The following SCML4 variants were observed in gnomAD, a reference collection of about 807,000 sequenced individuals.
The protein encoded by SCML4 is Scm polycomb group protein like 4, also known as sex comb on midleg-like protein 4.
Under a neutral mutation model 41.1 loss-of-function variants are expected in SCML4, and 34 were observed. The ratio of observed to expected loss-of-function variants is 0.83; its 90% CI spans 0.63 to 1.10. SCML4 has a LOEUF of 1.10. Among genes scored for constraint, SCML4 ranks in the 50% least tolerant of loss-of-function variants. SCML4 has a pLI of 0.00. For missense variants in SCML4, 522 were observed against 534.1 expected (o/e 0.98, Z 0.22); for synonymous variants, 214 against 220.9 (o/e 0.97, Z 0.28).
intron 2 of SCML4, among the ~76,000 whole-genome samples, chr6:107,752,768 G>A (rs189153914): frequency 4.2e-4 from 64 of 152,248 alleles, no homozygotes; most frequent in African/African-American, 1.4e-3. Context: ...CTTTGCCCTC[G>A]TGGAACTGAC....
In SCML4 at chr6:107,812,880, T is replaced by C. The variant is rs61056141; in HGVS notation, c.-60+11246A>G. Among the ~76,000 whole-genome samples the C allele has an allele frequency of 3.9e-3, 550 of 141,450 alleles. 4 individuals carry two copies. The highest frequency in any genetic ancestry group is 9.5e-3 in the African/African-American group (357 of 37,714). 92.8% of individuals were successfully genotyped at this position (141,450 alleles called of 152,430 possible). ...GTAGAGCTCTTTACACACAGACACA[T>C]ACACACACACACACACACACACACA... On this transcript the variant is annotated intron_variant, in intron 1 of 7. Transcript: ENST00000369020.
chr6:107,833,067 T>A, the SCML4 span, among the ~76,000 whole-genome samples: 150,005 of 152,244 alleles, frequency 0.99, 73,943 homozygotes, highest in Middle Eastern at 1. Flanking sequence ...CTTAACTGGG[T>A]TGCGAATATT....
chr6:107,799,965 CTT>C (rs1318508281), intron 1 of SCML4, among the ~76,000 whole-genome samples: 1 of 141,374 alleles, frequency 7.1e-6, no homozygotes. Context: ...GGATATGTTC[CTT>C]TTTTTTTTTT....
intron 5 of SCML4, among the ~76,000 whole-genome samples, chr6:107,729,138 A>T (rs565719083): frequency 6.6e-6 from 1 of 152,152 alleles, no homozygotes; most frequent in Non-Finnish European, 1.5e-5. Flanking sequence ...GGGTATATTC[A>T]TTTCCTAGGA....
At chr6:107,757,307 G>C (rs961139542) in intron 2 of SCML4, among the ~76,000 whole-genome samples, 12 of 152,186 alleles carry the variant, frequency 7.9e-5, no homozygotes, top group Admixed American at 7.9e-4. Context: ...CACACTAAAG[G>C]GGAGAGGATC....
chr6:107,807,862 A>G (rs539295999), intron 1 of SCML4, among the ~76,000 whole-genome samples: 1 of 152,348 alleles, frequency 6.6e-6, no homozygotes, highest in Admixed American at 6.5e-5. Flanking sequence ...TATTCACGCT[A>G]CTGTAAAATG....
intron 1 of SCML4, among the ~76,000 whole-genome samples, chr6:107,788,918 C>G (rs1202266287): frequency 6.6e-6 from 1 of 152,122 alleles, no homozygotes; most frequent in Non-Finnish European, 1.5e-5. Context: ...AAAACTCTCC[C>G]CCAGTGTGTG....
intron 5 of SCML4, among the ~76,000 whole-genome samples, chr6:107,721,627 C>G (rs1046026968): frequency 1.3e-5 from 2 of 152,204 alleles, no homozygotes; most frequent in Non-Finnish European, 2.9e-5. Flanking sequence ...ACTCCCTGCT[C>G]TTGCTCACCC....
chr6:107,722,179 G>C (rs534781324), intron 5 of SCML4, among the ~76,000 whole-genome samples: 1 of 151,654 alleles, frequency 6.6e-6, no homozygotes, highest in Non-Finnish European at 1.5e-5. Flanking sequence ...GTTTCACCAT[G>C]TTGGCCAGGC....
intron 1 of SCML4, among the ~76,000 whole-genome samples, chr6:107,777,959 C>A (rs1298468861): frequency 1.3e-5 from 2 of 151,758 alleles, no homozygotes; most frequent in African/African-American, 4.8e-5. Context: ...TCACACCTGT[C>A]ATCCCAGCAC....
intron 1 of SCML4, among the ~76,000 whole-genome samples, chr6:107,776,612 A>G (rs1780972085): frequency 6.6e-6 from 1 of 152,214 alleles, no homozygotes; most frequent in Admixed American, 6.5e-5. Context: ...GGGCACTCTC[A>G]TTGATTGTTG....
At chr6:107,787,454 T>TAC (rs1210762850) in intron 1 of SCML4, among the ~76,000 whole-genome samples, 4 of 152,286 alleles carry the variant, frequency 2.6e-5, no homozygotes, top group Non-Finnish European at 4.4e-5. Flanking sequence ...AGAATGCAGC[T>TAC]ACACACACAC....
At chr6:107,808,847 CATAT>C (rs1343778978) in intron 1 of SCML4, among the ~76,000 whole-genome samples, 2 of 152,146 alleles carry the variant, frequency 1.3e-5, no homozygotes, top group South Asian at 4.2e-4. Flanking sequence ...TTATAAATAA[CATAT>C]ATGTGTATTG....
chr6:107,731,701 T>A (rs978796360), intron 5 of SCML4, among the ~76,000 whole-genome samples: 1 of 152,182 alleles, frequency 6.6e-6, no homozygotes, highest in Non-Finnish European at 1.5e-5. Flanking sequence ...GTGTGAACAG[T>A]TTGGTTCGGC....
At chr6:107,794,039 C>T (rs1477460814) in intron 1 of SCML4, among the ~76,000 whole-genome samples, 1 of 152,226 alleles carries the variant, frequency 6.6e-6, no homozygotes, top group Non-Finnish European at 1.5e-5. Flanking sequence ...AACCATCAAT[C>T]TCTCTTATTA....
chr6:107,803,354 C>G (rs1783415064), intron 1 of SCML4, among the ~76,000 whole-genome samples: 1 of 151,750 alleles, frequency 6.6e-6, no homozygotes, highest in African/African-American at 2.4e-5. Flanking sequence ...CTCCGCCCGG[C>G]AGCCACCCCG....
At chr6:107,736,199 A>G (rs1777053749) in intron 5 of SCML4, among the ~76,000 whole-genome samples, 1 of 152,192 alleles carries the variant, frequency 6.6e-6, no homozygotes, top group South Asian at 2.1e-4. Flanking sequence ...GGAGGAGAAG[A>G]GAATTGATCT....
chr6:107,761,160 G>T (rs1779555322), intron 2 of SCML4, among the ~76,000 whole-genome samples: 1 of 152,094 alleles, frequency 6.6e-6, no homozygotes, highest in African/African-American at 2.4e-5. Context: ...ATGGAGAATG[G>T]AAAGGAGATT....
At chr6:107,758,153 G>C (rs1389840269) in intron 2 of SCML4, among the ~76,000 whole-genome samples, 1 of 152,212 alleles carries the variant, frequency 6.6e-6, no homozygotes, top group Non-Finnish European at 1.5e-5. Context: ...TGAAGATTCA[G>C]CTGTGAATGG....
Sources: allele counts gnomAD v4.1 joint callset (sites outside exome capture counted in the v4.1 genomes callset), GRCh38; gene constraint gnomAD v4.1.1; transcripts MANE v1.5; gene names NCBI Gene and HGNC (gene_info 2026-07-23, HGNC 2026-07-21).